The following RFX3 variants were observed in gnomAD, a reference collection of about 807,000 sequenced individuals.
The protein encoded by RFX3 is transcription factor RFX3.
In RFX3, 14 loss-of-function variants were observed where a neutral mutation model predicts 98.6. The observed-to-expected ratio is 0.14, with a 90% CI of 0.09 to 0.22. RFX3 has a LOEUF of 0.22. Among genes scored for constraint, RFX3 ranks in the 10% least tolerant of loss-of-function variants. RFX3 has a pLI of 1.00. For synonymous variants in RFX3, 383 were observed against 328.4 expected (o/e 1.17, Z -1.80); for missense variants, 639 against 926.9 (o/e 0.69, Z 4.03).
chr9:3,333,261 C>T (rs992960419), intron 3 of RFX3, among the ~76,000 whole-genome samples: 1 of 152,060 alleles, frequency 6.6e-6, no homozygotes, highest in African/African-American at 2.4e-5. Flanking sequence ...AAAACAAATA[C>T]TTTTAATCCA....
At chr9:3,390,195 G>A (rs1215653314) in intron 2 of RFX3, among the ~76,000 whole-genome samples, 1 of 152,072 alleles carries the variant, frequency 6.6e-6, no homozygotes, top group Non-Finnish European at 1.5e-5. Context: ...CATGTCTTGG[G>A]AGCAACCCTG....
chr9:3,489,642 T>C (rs1850579373), intron 1 of RFX3, among the ~76,000 whole-genome samples: 1 of 152,226 alleles, frequency 6.6e-6, no homozygotes, highest in Admixed American at 6.5e-5. Context: ...ATAGGCTTAA[T>C]GTTTAGTCTA....
At chr9:3,498,404 C>T (rs1181549850) in intron 1 of RFX3, among the ~76,000 whole-genome samples, 1 of 151,912 alleles carries the variant, frequency 6.6e-6, no homozygotes, top group African/African-American at 2.4e-5. Context: ...ATATGAACAT[C>T]CCTTGAATCA....
At chr9:3,306,008 A>C (rs895223521) in intron 4 of RFX3, among the ~76,000 whole-genome samples, 1 of 152,110 alleles carries the variant, frequency 6.6e-6, no homozygotes, top group Non-Finnish European at 1.5e-5. Flanking sequence ...AGTTAAGTTC[A>C]TTCATTAGGA....
intron 6 of RFX3, among the ~76,000 whole-genome samples, chr9:3,289,553 G>A (rs192817480): frequency 1.1e-3 from 174 of 152,260 alleles, no homozygotes; most frequent in South Asian, 4.6e-3. Flanking sequence ...ACGGTAGGAA[G>A]CAGGAGACAT....
chr9:3,520,972 C>A (rs890088332), intron 1 of RFX3, among the ~76,000 whole-genome samples: 1 of 152,146 alleles, frequency 6.6e-6, no homozygotes. Flanking sequence ...ACCAATACAA[C>A]CAGCCAGAAT....
intron 1 of RFX3, among the ~76,000 whole-genome samples, chr9:3,499,338 T>C (rs1815725257): frequency 6.6e-6 from 1 of 151,956 alleles, no homozygotes; most frequent in African/African-American, 2.4e-5. Context: ...ATAAAAACCA[T>C]TCCCCCAAAA....
In RFX3 at chr9:3,467,182, G is replaced by T. The variant is rs527276147; in HGVS notation, c.-9+58565C>A. On this transcript the variant is annotated intron_variant, in intron 1 of 16. Transcript: ENST00000617270. The stretch of plus-strand genomic sequence containing the variant: ...GTATATACGTATATAATGTATATAT[G>T]TATATACATATATAATGTATGTGTA... Among the ~76,000 whole-genome samples, 5 of 134,614 alleles carry T rather than the reference G, an allele frequency of 3.7e-5. No homozygotes were observed. In the South Asian group the frequency reaches 1.1e-3, roughly 30 times the overall value. 88.3% of individuals were successfully genotyped at this position (134,614 alleles called of 152,430 possible).
intron 2 of RFX3, among the ~76,000 whole-genome samples, chr9:3,367,481 A>G (rs923390964): frequency 2.0e-5 from 3 of 152,192 alleles, no homozygotes; most frequent in African/African-American, 4.8e-5. Flanking sequence ...GAACTCAATC[A>G]AGCACCCCCA....
rs1220314391 is a variant in RFX3, at chr9:3,505,222, TTATATATGAATATATATTTATA to T, written c.-9+20503_-9+20524del. Among the ~76,000 whole-genome samples, 64 of 55,568 alleles carry T rather than the reference TTATATATGAATATATATTTATA, an allele frequency of 1.2e-3. 2 individuals carry two copies. Among genetic ancestry groups the T allele is most frequent in the Middle Eastern group, 0.023 (1 of 44 alleles). The allele number at this position is 55,568 out of a possible 152,430, so 36.5% of individuals were successfully genotyped here. On this transcript the variant is annotated intron_variant, in intron 1 of 16. Transcript: ENST00000617270. ...TATTTATATATATATGAATATATAT[TTATATATGAATATATATTTATA>T]TATATATGAATATATATTTATATAT...
intron 1 of RFX3, among the ~76,000 whole-genome samples, chr9:3,471,947 CA>C (rs1434371910): frequency 6.6e-6 from 1 of 152,160 alleles, no homozygotes; most frequent in East Asian, 1.9e-4. Context: ...AGTATAAAGA[CA>C]TAGGTTTTCT....
intron 3 of RFX3, among the ~76,000 whole-genome samples, chr9:3,333,328 C>T (rs58826535): frequency 6.6e-6 from 1 of 151,810 alleles, no homozygotes; most frequent in African/African-American, 2.4e-5. Context: ...TAAGAGTGTT[C>T]TGAAAGTATT....
At chr9:3,260,009 G>A (rs1822659627) in intron 13 of RFX3, among the ~76,000 whole-genome samples, 1 of 151,966 alleles carries the variant, frequency 6.6e-6, no homozygotes, top group African/African-American at 2.4e-5. Context: ...AAGGTAAAAT[G>A]GGAGGCAAGG....
chr9:3,292,156 C>T (rs1391477099), intron 6 of RFX3, among the ~76,000 whole-genome samples: 1 of 142,870 alleles, frequency 7.0e-6, no homozygotes, highest in African/African-American at 2.6e-5. Context: ...GGTATATCAC[C>T]TAATGTTGTA....
intron 1 of RFX3, among the ~76,000 whole-genome samples, chr9:3,442,070 C>T (rs1350672086): frequency 6.6e-6 from 1 of 151,878 alleles, no homozygotes; most frequent in Admixed American, 6.6e-5. Context: ...CGTGGTGGCA[C>T]GCACCTGTAA....
intron 1 of RFX3, among the ~76,000 whole-genome samples, chr9:3,516,024 T>C (rs1009065580): frequency 1.3e-5 from 2 of 152,098 alleles, no homozygotes; most frequent in Non-Finnish European, 2.9e-5. Context: ...AGAAGTCTAC[T>C]AACCAAAGTA....
rs147272286 is a variant in RFX3 at position 3,476,548 on chromosome 9, CACAG to C, written c.-9+49195_-9+49198del. On this transcript the variant is annotated intron_variant, in intron 1 of 16. Transcript: ENST00000617270. ...CCAAGTCAATTTTAGAAACTAGAGG[CACAG>C]ACAAACAGCACCTTATCTCTGCCTT... Among the ~76,000 whole-genome samples the C allele has an allele frequency of 8.3e-3, 1,258 of 152,200 alleles. 10 individuals are homozygous for C. Among genetic ancestry groups the C allele is most frequent in the African/African-American group, 0.029 (1,200 of 41,512 alleles).
chr9:3,301,764 CCTT>C (rs1304225241), intron 4 of RFX3, 144 bp from the exon 5 acceptor site: 4 of 523,846 alleles, frequency 7.6e-6, no homozygotes, highest in African/African-American at 7.5e-5. Flanking sequence ...TGTTTTCTCC[CCTT>C]CTTCCCCACC....
Position 3,517,736 on chromosome 9 carries a change from G to C in RFX3, c.-9+8011C>G, listed in dbSNP as rs113829877. Reference sequence around the variant, plus strand: ...GAGGCCAGTACATAGCCAGGACTAAGAAGGGAGCCTTCTGAATCAAAACCA... The same window carrying C: ...GAGGCCAGTACATAGCCAGGACTAACAAGGGAGCCTTCTGAATCAAAACCA... On this transcript the variant is annotated intron_variant, in intron 1 of 16. Coordinates refer to ENST00000617270, the MANE Select transcript of RFX3 (RefSeq NM_001282116.2). Among the ~76,000 whole-genome samples the C allele has an allele frequency of 4.6e-5, 7 of 152,366 alleles. 1 individual carries two copies. Among genetic ancestry groups the C allele is most frequent in the Admixed American group, 1.3e-4 (2 of 15,302 alleles).
Sources: allele counts gnomAD v4.1 joint callset (sites outside exome capture counted in the v4.1 genomes callset), GRCh38; gene constraint gnomAD v4.1.1; transcripts MANE v1.5; gene names NCBI Gene and HGNC (gene_info 2026-07-23, HGNC 2026-07-21).